The following DTD2 variants were observed in gnomAD, a reference collection of about 807,000 sequenced individuals.
DTD2 encodes the protein D-tyrosyl-tRNA deacylase 2 (putative).
A neutral mutation model predicts 15.5 loss-of-function variants in DTD2; 12 were observed. That is an observed-to-expected ratio of 0.77 (90% CI 0.50 to 1.25). The LOEUF is 1.25. DTD2 is among the 50% of genes most tolerant of loss of function. DTD2 has a pLI of 0.00. For synonymous variants in DTD2, 59 were observed against 77.3 expected (o/e 0.76, Z 1.24); for missense variants, 170 against 201.1 (o/e 0.85, Z 0.93).
chr14:31,449,416 A>C (rs1342826567), intron 2 of DTD2, among the ~76,000 whole-genome samples: 1 of 152,350 alleles, frequency 6.6e-6, no homozygotes, highest in South Asian at 2.1e-4. Context: ...AAGAATCATC[A>C]GAAATTCATT....
intron 1 of DTD2, among the ~76,000 whole-genome samples, chr14:31,456,734 T>C (rs976923128): frequency 5.9e-5 from 9 of 152,226 alleles, no homozygotes; most frequent in Admixed American, 2.0e-4. Context: ...GAGAAATGTG[T>C]TTGATAAGGC....
chr14:31,456,761 TAG>T (rs2032098798), intron 1 of DTD2, among the ~76,000 whole-genome samples: 1 of 152,334 alleles, frequency 6.6e-6, no homozygotes, highest in South Asian at 2.1e-4. Context: ...GTTATAAAAG[TAG>T]AGGTCTTTGT....
At chr14:31,456,615 A>G (rs958569026) in intron 1 of DTD2, among the ~76,000 whole-genome samples, 3 of 152,146 alleles carry the variant, frequency 2.0e-5, no homozygotes, top group Admixed American at 6.6e-5. Context: ...GAGGCCTTAA[A>G]GAAAATTTTA....
Position 31,448,216 on chromosome 14 carries a change from C to G in DTD2, c.420G>C (p.Arg140Ser), listed in dbSNP as rs745934467. 2.5e-6 allele frequency: 4 copies of G among 1,614,168 alleles called. No individual in the cohort carries two copies. The highest frequency in any genetic ancestry group is 8.5e-7 in the Non-Finnish European group (1 of 1,180,026). Residue 140 changes from arginine to serine, a missense_variant, in exon 3 of 3, where the codon AGG (arginine) becomes AGC (serine). Arg to Ser is a moderately radical substitution (Grantham distance 110). Coordinates refer to ENST00000310850, the MANE Select transcript of DTD2 (RefSeq NM_080664.3). ...VAANSKCAEARVVVEHGTYGN... is the reference protein window; with the variant it reads ...VAANSKCAEASVVVEHGTYGN... ...CATAAGTGCCATGTTCCACTACAAC[C>G]CTAGCTTCAGCACACTTGCTATTAG... is the stretch of plus-strand genomic sequence containing the variant.
intron 1 of DTD2, among the ~76,000 whole-genome samples, chr14:31,456,704 T>C (rs1040701942): frequency 2.6e-5 from 4 of 152,190 alleles, no homozygotes; most frequent in African/African-American, 7.2e-5. Context: ...CATAGTGACA[T>C]AAATGTTTTA....
chr14:31,454,014 G>A (rs117597569), intron 1 of DTD2, among the ~76,000 whole-genome samples: 5 of 152,146 alleles, frequency 3.3e-5, no homozygotes, highest in Non-Finnish European at 5.9e-5. Flanking sequence ...ATATTTCTTA[G>A]ATCTTGTAGG....
Position 31,447,777 on chromosome 14 carries a change from C to T in DTD2, c.*352G>A, listed in dbSNP as rs146946063. 0.011 allele frequency: 1,832 copies of T among 161,656 alleles called. 24 individuals are homozygous for T. Among genetic ancestry groups the T allele is most frequent in the African/African-American group, 0.035 (1,455 of 41,592 alleles). 10.0% of individuals were successfully genotyped at this position (161,656 alleles called of 1,614,324 possible). ...TGGAGGTTGCAGTGAGCCGAGATTGCGCCACTGCACTCCAGTCTGGCGACA... is the reference window on the plus strand; with the variant it reads ...TGGAGGTTGCAGTGAGCCGAGATTGTGCCACTGCACTCCAGTCTGGCGACA... On this transcript the variant is annotated 3_prime_UTR_variant, in exon 3 of 3. Coordinates refer to ENST00000310850, the MANE Select transcript of DTD2 (RefSeq NM_080664.3).
intron 1 of DTD2, 119 bp from the exon 2 acceptor site, chr14:31,453,463 A>G: frequency 1.3e-6 from 1 of 789,542 alleles, no homozygotes; most frequent in East Asian, 2.8e-5. Flanking sequence ...AGCACAGAAA[A>G]TGAACTTTAC....
chr14:31,448,565 G>T, intron 2 of DTD2, 111 bp from the exon 3 acceptor site: 1 of 878,306 alleles, frequency 1.1e-6, no homozygotes, highest in Non-Finnish European at 1.7e-6. Flanking sequence ...GTCAGCTCAT[G>T]CCTCTAACCC....
rs2032113470 is a variant in DTD2, at chr14:31,457,483, C to A, written c.-90G>T. ...CGCTGGCGGGGCAGACGAGGCGGGG[C>A]ACGACGAAGGGCCTGCGCCGATTGC... On this transcript the variant is annotated 5_prime_UTR_variant, in exon 1 of 3. Coordinates refer to ENST00000310850, the MANE Select transcript of DTD2 (RefSeq NM_080664.3). 1 of 1,020,866 alleles carries A rather than the reference C, an allele frequency of 9.8e-7. No homozygotes were observed. Among genetic ancestry groups the A allele is most frequent in the East Asian group, 3.0e-5 (1 of 33,028 alleles). The allele number at this position is 1,020,866 out of a possible 1,614,324, so 63.2% of individuals were successfully genotyped here. A position where few individuals can be genotyped will look rare whatever the true frequency, so the allele number is the denominator to read the frequency against.
chr14:31,447,413 C>T lies in DTD2; in HGVS notation c.*716G>A, dbSNP rs1046267788. On this transcript the variant is annotated 3_prime_UTR_variant, in exon 3 of 3. Coordinates refer to ENST00000310850, the MANE Select transcript of DTD2 (RefSeq NM_080664.3). ...TGCTGAAGTTTACCTAATTTTAATA[C>T]AAATAGTTATTTTTATTACATGCTA... 1 of 152,200 alleles carries T rather than the reference C, an allele frequency of 6.6e-6. No homozygotes were observed. The highest frequency in any genetic ancestry group is 1.9e-4 in the East Asian group (1 of 5,186). The allele number at this position is 152,200 out of a possible 1,614,324, so 9.4% of individuals were successfully genotyped here.
At chr14:31,453,383 T>C (rs781091366) in intron 1 of DTD2, 39 bp from the exon 2 acceptor site, 66 of 1,574,330 alleles carry the variant, frequency 4.2e-5, no homozygotes, top group Admixed American at 1.7e-4. Context: ...ATTACAACAA[T>C]ATCTGTAAAG....
At chr14:31,456,933 C>A (rs1315744266) in intron 1 of DTD2, 1 of 270,634 alleles carries the variant, frequency 3.7e-6, no homozygotes, top group East Asian at 9.1e-5. Context: ...TGCAGCAAAC[C>A]TGACCTACAA....
intron 1 of DTD2, among the ~76,000 whole-genome samples, chr14:31,454,804 A>G (rs1239432732): frequency 1.3e-5 from 2 of 152,344 alleles, no homozygotes; most frequent in Non-Finnish European, 2.9e-5. Flanking sequence ...AAAAATACAG[A>G]TAATTCTCAC....
rs1321727270 is a variant in DTD2 at position 31,446,186 on chromosome 14, G to T, written c.*1943C>A. 1 of 152,068 alleles carries T rather than the reference G, an allele frequency of 6.6e-6. No homozygotes were observed. Among genetic ancestry groups the T allele is most frequent in the Non-Finnish European group, 1.5e-5 (1 of 68,014 alleles). 9.4% of individuals were successfully genotyped at this position (152,068 alleles called of 1,614,324 possible). A position where few individuals can be genotyped will look rare whatever the true frequency, so the allele number is the denominator to read the frequency against. ...TACAGGAAGGGTATAGAGAAAATAG[G>T]ATTTTTCATGATAAAAATTTTAAGC... is the stretch of plus-strand genomic sequence containing the variant. On this transcript the variant is annotated 3_prime_UTR_variant, in exon 3 of 3. Transcript: ENST00000310850.
At chr14:31,454,934 T>A (rs2032078707) in intron 1 of DTD2, among the ~76,000 whole-genome samples, 2 of 152,196 alleles carry the variant, frequency 1.3e-5, no homozygotes, top group South Asian at 4.1e-4. Context: ...ACAATTAAAA[T>A]GCTGTTTCTA....
rs1193185773 is a variant in DTD2 at position 31,454,202 on chromosome 14, T to C, written c.112-858A>G. Among the ~76,000 whole-genome samples, 4 of 152,216 alleles carry C rather than the reference T, an allele frequency of 2.6e-5. No individual in the cohort carries two copies. The East Asian group carries it at 7.7e-4, about 29-fold the overall frequency. The stretch of plus-strand genomic sequence containing the variant: ...AGTGCCTGGTTCATAGTAAGTGCTA[T>C]ATTAGTGTTTATTAAATGAGTATGT... On this transcript the variant is annotated intron_variant, in intron 1 of 2. Transcript: ENST00000310850.
chr14:31,456,259 G>C (rs1298390730), intron 1 of DTD2, among the ~76,000 whole-genome samples: 3 of 152,124 alleles, frequency 2.0e-5, no homozygotes, highest in Non-Finnish European at 4.4e-5. Context: ...GGTAGCTTGC[G>C]CCTGTTGTCC....
intron 1 of DTD2, among the ~76,000 whole-genome samples, chr14:31,455,194 T>C (rs1175353110): frequency 6.6e-6 from 1 of 151,976 alleles, no homozygotes; most frequent in African/African-American, 2.4e-5. Context: ...AAAAGATAAA[T>C]AAGCATGGAA....
Sources: allele counts gnomAD v4.1 joint callset (sites outside exome capture counted in the v4.1 genomes callset), GRCh38; gene constraint gnomAD v4.1.1; transcripts MANE v1.5; gene names NCBI Gene and HGNC (gene_info 2026-07-23, HGNC 2026-07-21).